PARD3B: variants seen among roughly 807,000 people sequenced by gnomAD.
The protein encoded by PARD3B is partitioning defective 3 homolog B.
Under a neutral mutation model 130.2 loss-of-function variants are expected in PARD3B, and 103 were observed. That is an observed-to-expected ratio of 0.79 (90% confidence interval 0.67 to 0.93). The LOEUF is 0.93. Among genes scored for constraint, PARD3B ranks in the 40% least tolerant of loss-of-function variants. The pLI is 0.00. For missense variants in PARD3B, 1,609 were observed against 1,499.2 expected (o/e 1.07, Z -1.21); for synonymous variants, 583 against 553.2 (o/e 1.05, Z -0.76).
In PARD3B at chr2:205,440,562, A is replaced by T; in HGVS notation, c.2934A>T (p.Gly978=). The T allele has an allele frequency of 6.2e-7, 1 of 1,614,080 alleles. No individual in the cohort carries two copies. The highest frequency in any genetic ancestry group is 8.5e-7 in the Non-Finnish European group (1 of 1,179,968). ...VFRSPSPPRA[G]PFGYPRDGHP... The stretch of plus-strand genomic sequence containing the variant: ...GATCTCCATCTCCCCCTCGAGCTGG[A>T]CCATTTGGTTACCCTCGGGATGGCC... Residue 978 remains glycine, a synonymous_variant, in exon 20 of 23, where the codon GGA becomes GGT. Transcript: ENST00000406610. This position sits in a 1 kb window ranked among gnomAD's most constrained non-coding sequence, Gnocchi z 4.2.
At position 205,185,795 on chromosome 2, in the gene PARD3B, G is replaced by A. The variant is rs1040506776; in HGVS notation, c.1956G>A (p.Glu652=). 4 of 1,613,998 alleles carry A rather than the reference G, an allele frequency of 2.5e-6. No homozygotes were observed. In the African/African-American group the frequency reaches 5.3e-5, roughly 22 times the overall value. ...GLLLPNDGWA[E]SEVPPSPTPH... Reference sequence around the variant, plus strand: ...TGCTGCCCAATGACGGATGGGCCGAGAGTGAAGTTCCACCTTCTCCAACAC... The same window carrying A: ...TGCTGCCCAATGACGGATGGGCCGAAAGTGAAGTTCCACCTTCTCCAACAC... Residue 652 remains glutamate, a synonymous_variant, in exon 14 of 23, where the codon GAG becomes GAA. Transcript: ENST00000406610.
chr2:205,505,262 G>GA (rs2050314639), intron 21 of PARD3B, among the ~76,000 whole-genome samples: 1 of 151,836 alleles, frequency 6.6e-6, no homozygotes, highest in Non-Finnish European at 1.5e-5. Context: ...AGTGGGGAGG[G>GA]ATAGCATTAG....
intron 3 of PARD3B, among the ~76,000 whole-genome samples, chr2:204,972,330 T>C (rs2125179943): frequency 6.6e-6 from 1 of 152,300 alleles, no homozygotes; most frequent in African/African-American, 2.4e-5. Flanking sequence ...GTTTTATAAA[T>C]GCATTTTAAA....
chr2:205,499,896 T>A lies in PARD3B; in HGVS notation c.3045T>A (p.Ser1015Arg). The A allele has an allele frequency of 6.2e-7, 1 of 1,613,486 alleles. No homozygotes were observed. The highest frequency in any genetic ancestry group is 8.5e-7 in the Non-Finnish European group (1 of 1,179,506). Residue 1015 changes from serine to arginine, a missense_variant and splice_region_variant, in exon 21 of 23, where the codon AGT becomes AGA. Physicochemically the swap from Ser to Arg is moderately radical, Grantham distance 110. Coordinates refer to ENST00000406610, the MANE Select transcript of PARD3B (RefSeq NM_001302769.2). Reference protein sequence around the residue: ...KPYHPLVPADSGRPTGGSTDR... With the variant: ...KPYHPLVPADRGRPTGGSTDR... ...CTGATTATTTGTCTATATCCTGTAG[T>A]GGCCGTCCTACGGGTGGAAGCACTG... is the stretch of plus-strand genomic sequence containing the variant.
At chr2:204,612,380 G>T (rs2033961197) in intron 1 of PARD3B, among the ~76,000 whole-genome samples, 2 of 152,208 alleles carry the variant, frequency 1.3e-5, no homozygotes, top group South Asian at 2.1e-4. Flanking sequence ...TCAGCCTGCG[G>T]GTGCCCAGTT....
intron 2 of PARD3B, among the ~76,000 whole-genome samples, chr2:204,690,455 A>T (rs543193334): frequency 6.6e-6 from 1 of 152,298 alleles, no homozygotes; most frequent in South Asian, 2.1e-4. Context: ...AGTCACAAGC[A>T]TCCTTATAAA....
rs1339918359 is a variant in PARD3B at position 205,558,578 on chromosome 2, C to T, written c.3260+5175C>T. ...GTTGGTTCTATTTCCACTCAACCCA[C>T]TCACACTATAGCCTCTTGCCCCAGG... On this transcript the variant is annotated intron_variant, in intron 22 of 22. Transcript: ENST00000406610. The surrounding 1 kb of genome is among the most constrained non-coding windows in gnomAD (Gnocchi z 4.8). Among the ~76,000 whole-genome samples the T allele has an allele frequency of 6.6e-6, 1 of 152,154 alleles. No homozygotes were observed. Among genetic ancestry groups the T allele is most frequent in the Non-Finnish European group, 1.5e-5 (1 of 68,038 alleles).
At chr2:205,358,594 A>T (rs376811791) in intron 18 of PARD3B, among the ~76,000 whole-genome samples, 1 of 152,232 alleles carries the variant, frequency 6.6e-6, no homozygotes, top group Non-Finnish European at 1.5e-5. Flanking sequence ...CACTCTAAAC[A>T]TACGCTAACA....
chr2:205,513,339 T>C (rs762658872), intron 21 of PARD3B, among the ~76,000 whole-genome samples: 1 of 152,092 alleles, frequency 6.6e-6, no homozygotes, highest in African/African-American at 2.4e-5. Context: ...TTTCTATGTA[T>C]GGATATATAT....
chr2:204,929,412 A>G (rs1687863212), intron 2 of PARD3B, among the ~76,000 whole-genome samples: 1 of 152,178 alleles, frequency 6.6e-6, no homozygotes, highest in South Asian at 2.1e-4. Flanking sequence ...TTTCACATTT[A>G]TAAAACGTCT....
Position 205,590,772 on chromosome 2 carries a change from A to G in PARD3B, c.3261-24684A>G, listed in dbSNP as rs1240601394. ...GGAGAAAAGTAGAAGCTGTTGCCAC[A>G]TATTCACAAGAAGTAGGATGAGTAC... is the stretch of plus-strand genomic sequence containing the variant. On this transcript the variant is annotated intron_variant, in intron 22 of 22. Transcript: ENST00000406610. The surrounding 1 kb of genome is among the most constrained non-coding windows in gnomAD (Gnocchi z 4.1). Among the ~76,000 whole-genome samples the G allele has an allele frequency of 6.6e-6, 1 of 152,160 alleles. No individual in the cohort carries two copies. Among genetic ancestry groups the G allele is most frequent in the Non-Finnish European group, 1.5e-5 (1 of 68,030 alleles).
intron 20 of PARD3B, among the ~76,000 whole-genome samples, chr2:205,466,175 A>G (rs1012987518): frequency 6.6e-6 from 1 of 152,192 alleles, no homozygotes; most frequent in Non-Finnish European, 1.5e-5. Context: ...GTGCTTAGCA[A>G]GGGTTTAGAC....
intron 18 of PARD3B, among the ~76,000 whole-genome samples, chr2:205,385,966 A>C (rs183540127): frequency 1.0e-3 from 156 of 152,284 alleles, no homozygotes; most frequent in African/African-American, 3.5e-3. Flanking sequence ...TCACTAAACA[A>C]ATTTTTAATT....
intron 15 of PARD3B, among the ~76,000 whole-genome samples, chr2:205,206,937 C>T (rs1488593534): frequency 6.8e-6 from 1 of 148,084 alleles, no homozygotes; most frequent in Non-Finnish European, 1.5e-5. Context: ...CCACACCACA[C>T]CTATTCCAAA....
At chr2:205,390,095 C>T (rs569686675) in intron 18 of PARD3B, among the ~76,000 whole-genome samples, 58 of 151,238 alleles carry the variant, frequency 3.8e-4, no homozygotes, top group African/African-American at 1.3e-3. Flanking sequence ...TTGTTTAAGC[C>T]TCTCTTACCA....
chr2:204,884,297 A>C (rs2125676669), intron 2 of PARD3B, among the ~76,000 whole-genome samples: 1 of 152,336 alleles, frequency 6.6e-6, no homozygotes, highest in South Asian at 2.1e-4. Flanking sequence ...GACTAAGAAA[A>C]AAGGAAAAGC....
intron 3 of PARD3B, among the ~76,000 whole-genome samples, chr2:204,977,148 C>T (rs190971080): frequency 1.2e-3 from 177 of 152,242 alleles, no homozygotes; most frequent in Non-Finnish European, 2.0e-3. Context: ...AGTATAATTA[C>T]CACAAAGGTT....
chr2:205,391,423 T>A (rs2045856252), intron 18 of PARD3B, among the ~76,000 whole-genome samples: 2 of 152,164 alleles, frequency 1.3e-5, no homozygotes, highest in Non-Finnish European at 2.9e-5. Context: ...AAAATCATAA[T>A]CATGAAAAGG....
intron 2 of PARD3B, among the ~76,000 whole-genome samples, chr2:204,803,946 C>T (rs761036798): frequency 3.3e-5 from 5 of 152,068 alleles, no homozygotes; most frequent in Non-Finnish European, 5.9e-5. Context: ...TTGTGGCCAG[C>T]GAGATAGCTA....
Sources: allele counts gnomAD v4.1 joint callset (sites outside exome capture counted in the v4.1 genomes callset), GRCh38; gene constraint gnomAD v4.1.1; non-coding constraint Gnocchi (gnomAD v3.1); transcripts MANE v1.5; gene names NCBI Gene and HGNC (gene_info 2026-07-23, HGNC 2026-07-21).